Variants in GGT5 observed in about 807,000 individuals in gnomAD.
The protein encoded by GGT5 is glutathione hydrolase 5 proenzyme.
A neutral mutation model predicts 58.1 loss-of-function variants in GGT5; 50 were observed. The ratio of observed to expected loss-of-function variants is 0.86; its 90% confidence interval spans 0.69 to 1.09. GGT5 has a LOEUF of 1.09. Among genes scored for constraint, GGT5 ranks in the 50% least tolerant of loss-of-function variants. The probability of loss-of-function intolerance (pLI) is 0.00; values close to 1 mark genes in which losing one functional copy is unlikely to be tolerated. For missense variants in GGT5, 800 were observed against 789.4 expected (o/e 1.01, Z -0.16); for synonymous variants, 370 against 346.1 (o/e 1.07, Z -0.77).
At chr22:24,242,351 C>A (rs2048348305) in intron 1 of GGT5, 1 of 152,076 alleles carries the variant, frequency 6.6e-6, no homozygotes, top group Non-Finnish European at 1.5e-5. Flanking sequence ...GTAATCCCAG[C>A]ACTTTGGGAG....
chr22:24,232,082 G>T lies in GGT5; in HGVS notation c.723C>A (p.Gly241=), dbSNP rs780444896. The change falls in exon 5 of 12, where the codon GGC becomes GGA. Residue 241 remains glycine (G), a synonymous_variant. Coordinates refer to ENST00000327365, the MANE Select transcript of GGT5 (RefSeq NM_004121.5). ...TGGCAATGTCCTCCACCAGCATCTG[G>T]CCCAGCCTCCCCGTGTAGAAGACCT... ...GVEVFYTGRL[G]QMLVEDIAKE... 9 of 1,613,124 alleles carry T rather than the reference G, an allele frequency of 5.6e-6. No homozygotes were observed. The highest frequency in any genetic ancestry group is 2.2e-5 in the East Asian group (1 of 44,878).
chr22:24,231,348 G>A (rs1177819183), intron 6 of GGT5, 36 bp downstream of exon 6: 2 of 1,445,468 alleles, frequency 1.4e-6, no homozygotes, highest in South Asian at 1.2e-5. Context: ...GTGCGGGGGA[G>A]GGGGTGGGCG....
At chr22:24,223,970 C>T (rs2047674421) in intron 11 of GGT5, among the ~76,000 whole-genome samples, 1 of 151,720 alleles carries the variant, frequency 6.6e-6, no homozygotes, top group Non-Finnish European at 1.5e-5. Flanking sequence ...ACCATGTTGG[C>T]CAGGCTGGCC....
chr22:24,226,914 A>C lies in GGT5; in HGVS notation c.902-147T>G, dbSNP rs1446503491. ...ACCTTATACAGCACAAGAGTGACTA[A>C]TACCTTAAGTGGAAAAGTAAGTTAA... On this transcript the variant is annotated intron_variant, in intron 6 of 11. Transcript: ENST00000327365. 7 of 534,678 alleles carry C rather than the reference A, an allele frequency of 1.3e-5. No homozygotes were observed. The South Asian group carries it at 2.5e-4, about 19-fold the overall frequency. 33.1% of individuals were successfully genotyped at this position (534,678 alleles called of 1,614,324 possible).
chr22:24,235,646 G>A (rs999645489), intron 1 of GGT5, among the ~76,000 whole-genome samples: 4 of 152,178 alleles, frequency 2.6e-5, no homozygotes, highest in African/African-American at 9.7e-5. Flanking sequence ...AACAAGTCAG[G>A]CATAAACACT....
Position 24,219,702 on chromosome 22 carries a change from C to G in GGT5, c.*268G>C, listed in dbSNP as rs1023770105. 6 of 475,702 alleles carry G rather than the reference C, an allele frequency of 1.3e-5. No individual in the cohort carries two copies. In the East Asian group the frequency reaches 1.8e-4, roughly 14 times the overall value. The allele number at this position is 475,702 out of a possible 1,614,324, so 29.5% of individuals were successfully genotyped here. The stretch of plus-strand genomic sequence containing the variant: ...ATCTTGGACTGGAGGATATACAGAT[C>G]GAGAGGGTGGGAGAGTGGCCCCAGG... On this transcript the variant is annotated 3_prime_UTR_variant, in exon 12 of 12. Coordinates refer to ENST00000327365, the MANE Select transcript of GGT5 (RefSeq NM_004121.5).
At position 24,234,807 on chromosome 22, in the gene GGT5, A is replaced by G. The variant is rs564032561; in HGVS notation, c.174-803T>C. 3.3e-5 allele frequency among the ~76,000 whole-genome samples: 5 copies of G among 152,204 alleles called. No individual in the cohort carries two copies. The South Asian group carries it at 1.0e-3, about 32-fold the overall frequency. The stretch of plus-strand genomic sequence containing the variant: ...TGCACTCCAGCCTGGGCAACAAAGC[A>G]AGACTGCCTCAAAAAAGAAAAAAAA... On this transcript the variant is annotated intron_variant, in intron 1 of 11. Transcript: ENST00000327365.
chr22:24,222,502 A>G (rs2042308333), intron 11 of GGT5, among the ~76,000 whole-genome samples: 1 of 152,168 alleles, frequency 6.6e-6, no homozygotes, highest in African/African-American at 2.4e-5. Flanking sequence ...TCTGAGGATC[A>G]AAGACTCTCC....
At position 24,225,734 on chromosome 22, in the gene GGT5, C is replaced by T. The variant is rs2047739762; in HGVS notation, c.1230-82G>A. 1.5e-5 allele frequency: 13 copies of T among 842,074 alleles called. No individual in the cohort carries two copies. In the South Asian group the frequency reaches 1.8e-4, roughly 12 times the overall value. 52.2% of individuals were successfully genotyped at this position (842,074 alleles called of 1,614,324 possible). On this transcript the variant is annotated intron_variant, in intron 8 of 11. Transcript: ENST00000327365. ...CACTTACCCTGCACGCTTTGCAGGA[C>T]CCCCTCGTTTTACAGCTGCCCCGAA...
intron 6 of GGT5, among the ~76,000 whole-genome samples, chr22:24,230,232 G>A (rs990738347): frequency 2.0e-5 from 3 of 152,044 alleles, no homozygotes; most frequent in East Asian, 1.9e-4. Flanking sequence ...ACTCGGTGTC[G>A]TGGCAAGCGC....
intron 1 of GGT5, among the ~76,000 whole-genome samples, chr22:24,236,340 A>C (rs1446736090): frequency 6.6e-6 from 1 of 151,842 alleles, no homozygotes; most frequent in Admixed American, 6.6e-5. Flanking sequence ...CCCACCAGTG[A>C]CTCTGGATGC....
chr22:24,237,261 G>A (rs528382514), intron 1 of GGT5, among the ~76,000 whole-genome samples: 1 of 152,068 alleles, frequency 6.6e-6, no homozygotes, highest in South Asian at 2.1e-4. Flanking sequence ...TGCCCCACAC[G>A]TGGGGTGCAG....
At chr22:24,226,376 A>G (rs1569356859) in intron 7 of GGT5, 110 bp from the exon 8 acceptor site, 2 of 882,026 alleles carry the variant, frequency 2.3e-6, no homozygotes, top group Non-Finnish European at 1.7e-6. Context: ...TCTGTCCTCT[A>G]CCTTGTGGCC....
At chr22:24,231,327 G>A (rs1295009864) in intron 6 of GGT5, 57 bp downstream of exon 6, 36 of 1,292,172 alleles carry the variant, frequency 2.8e-5, no homozygotes, top group South Asian at 7.9e-5. Flanking sequence ...CTGAGTTCCC[G>A]GGGGCCGGGG....
At position 24,226,619 on chromosome 22, in the gene GGT5, C is replaced by T; in HGVS notation, c.1038+12G>A. 6.2e-7 allele frequency: 1 copy of T among 1,613,762 alleles called. No individual in the cohort carries two copies. Among genetic ancestry groups the T allele is most frequent in the Admixed American group, 1.7e-5 (1 of 59,994 alleles). ...GGACGGCCCACCAGCCCAGCAACCT[C>T]AGCAACCTCACCTGGAGCTTCGGGT... On this transcript the variant is annotated intron_variant, in intron 7 of 11. Transcript: ENST00000327365.
intron 11 of GGT5, chr22:24,220,410 C>T: frequency 1.8e-6 from 1 of 549,648 alleles, no homozygotes; most frequent in African/African-American, 1.9e-5. Flanking sequence ...CCTTGAGGTG[C>T]AAATCTGAGT....
At chr22:24,223,068 C>A (rs1004139114) in intron 11 of GGT5, among the ~76,000 whole-genome samples, 1 of 144,044 alleles carries the variant, frequency 6.9e-6, no homozygotes, top group East Asian at 2.1e-4. Context: ...CCAGCCTGGG[C>A]AACAGAGCGA....
chr22:24,244,489 C>G, intron 1 of GGT5, 64 bp downstream of exon 1: 2 of 1,379,958 alleles, frequency 1.4e-6, no homozygotes, highest in Non-Finnish European at 2.0e-6. Context: ...CACACACACA[C>G]ACGCCTTCTC....
intron 11 of GGT5, 94 bp from the exon 12 acceptor site, chr22:24,220,210 A>C: frequency 8.2e-6 from 10 of 1,219,716 alleles, no homozygotes; most frequent in Non-Finnish European, 1.2e-5. Flanking sequence ...AAATGATCAA[A>C]AGGCAAGACG....
Sources: allele counts gnomAD v4.1 joint callset (sites outside exome capture counted in the v4.1 genomes callset), GRCh38; gene constraint gnomAD v4.1.1; transcripts MANE v1.5; gene names NCBI Gene and HGNC (gene_info 2026-07-23, HGNC 2026-07-21).